MED9: variants seen among roughly 807,000 people sequenced by gnomAD.
The protein encoded by MED9 is mediator complex subunit 9.
MED9 carries 8 observed loss-of-function variants against 13.2 expected under a neutral mutation model. The ratio of observed to expected loss-of-function variants is 0.61; its 90% confidence interval spans 0.36 to 1.10. MED9 has a LOEUF of 1.10. Among genes scored for constraint, MED9 ranks in the 50% least tolerant of loss-of-function variants. The pLI is 0.02. For missense variants in MED9, 180 were observed against 193.4 expected, an observed-to-expected ratio of 0.93 and a Z score of 0.41; for synonymous variants, 87 against 82.8, an observed-to-expected ratio of 1.05 and a Z score of -0.28.
chr17:17,482,273 C>G (rs1389832687), intron 1 of MED9, among the ~76,000 whole-genome samples: 1 of 152,174 alleles, frequency 6.6e-6, no homozygotes, highest in Non-Finnish European at 1.5e-5. Flanking sequence ...GTTTGGGTCA[C>G]TATGAGCAAA....
rs1371915404 is a variant in MED9 at position 17,477,175 on chromosome 17, A to C, written c.134A>C (p.Gln45Pro). Residue 45 changes from glutamine to proline, a missense_variant, in exon 1 of 2, where the codon CAG becomes CCG. Coordinates refer to ENST00000268711, the MANE Select transcript of MED9 (RefSeq NM_018019.3). ...CCGGTCCCTGCGCCTCAACCGCAGC[A>C]GTCGCCGGCGCCACGGCCTCAGTCA... ...PPPVPAPQPQ[Q>P]SPAPRPQSPA... 1.2e-6 allele frequency: 2 copies of C among 1,610,228 alleles called. No homozygotes were observed. The highest frequency in any genetic ancestry group is 1.7e-6 in the Non-Finnish European group (2 of 1,178,192).
chr17:17,487,030 C>T (rs960087558), intron 1 of MED9: 1 of 152,284 alleles, frequency 6.6e-6, no homozygotes, highest in East Asian at 1.9e-4. Flanking sequence ...TTTGTAAACA[C>T]ACCAATCAGC....
chr17:17,492,011 T>C lies in MED9; in HGVS notation c.*516T>C, dbSNP rs943965503. The C allele has an allele frequency of 1.2e-5, 2 of 164,184 alleles. No homozygotes were observed. The highest frequency in any genetic ancestry group is 4.8e-5 in the African/African-American group (2 of 41,784). 10.2% of individuals were successfully genotyped at this position (164,184 alleles called of 1,614,324 possible). A position where few individuals can be genotyped will look rare whatever the true frequency, so the allele number is the denominator to read the frequency against. On this transcript the variant is annotated 3_prime_UTR_variant, in exon 2 of 2. Transcript: ENST00000268711. ...GAATTAAGCCTGCACTCATATGGCA[T>C]AGAATTGTGAGAGAATGTTTTGAAA...
Position 17,483,082 on chromosome 17 carries a change from C to G in MED9, c.224+5817C>G, listed in dbSNP as rs1025072954. ...TCTAGCAGCCTGCCTGATGCTAGAT[C>G]ATGATGCTTTTGTTAATGGAACATT... On this transcript the variant is annotated intron_variant, in intron 1 of 1. Transcript: ENST00000268711. The surrounding 1 kb of genome is among the most constrained non-coding windows in gnomAD (Gnocchi z 4.2). Among the ~76,000 whole-genome samples, 1 of 152,180 alleles carries G rather than the reference C, an allele frequency of 6.6e-6. No homozygotes were observed. The highest frequency in any genetic ancestry group is 1.5e-5 in the Non-Finnish European group (1 of 68,036).
chr17:17,491,565 TC>T lies in MED9; in HGVS notation c.*72del, dbSNP rs1666650116. 3 of 1,395,948 alleles carry T rather than the reference TC, an allele frequency of 2.1e-6. No individual in the cohort carries two copies. In the Admixed American group the frequency reaches 5.2e-5, roughly 24 times the overall value. The allele number at this position is 1,395,948 out of a possible 1,614,324, so 86.5% of individuals were successfully genotyped here. A position where few individuals can be genotyped will look rare whatever the true frequency, so the allele number is the denominator to read the frequency against. On this transcript the variant is annotated 3_prime_UTR_variant, in exon 2 of 2. Transcript: ENST00000268711. ...TCTCCCCACTACCATCCCCAAACGCTCCTTGGGGCGTGGTTCCTGTGGACCC... is the reference window on the plus strand; with the variant it reads ...TCTCCCCACTACCATCCCCAAACGCTCTTGGGGCGTGGTTCCTGTGGACCC...
At chr17:17,477,672 G>C (rs141318959) in intron 1 of MED9, 1 of 165,148 alleles carries the variant, frequency 6.1e-6, no homozygotes, top group African/African-American at 2.4e-5. Context: ...CAAGTGCTAC[G>C]GGATGGACGC....
chr17:17,485,305 A>G (rs1905108473), intron 1 of MED9: 1 of 398,384 alleles, frequency 2.5e-6, no homozygotes, highest in Non-Finnish European at 4.4e-6. Context: ...TTTAGTAGAG[A>G]CGGGGCTGGC....
Position 17,485,626 on chromosome 17 carries a change from G to A in MED9, c.225-5653G>A, listed in dbSNP as rs1449430488. 15 of 309,162 alleles carry A rather than the reference G, an allele frequency of 4.9e-5. No homozygotes were observed. In the East Asian group the frequency reaches 5.9e-4, roughly 12 times the overall value. The allele number at this position is 309,162 out of a possible 1,614,324, so 19.2% of individuals were successfully genotyped here. On this transcript the variant is annotated intron_variant, in intron 1 of 1. Transcript: ENST00000268711. ...GTAGGTGGGACTGCACCCTCCCCCC[G>A]TCCCCTGCTGACAGCAAGTCTATGC...
In MED9 at chr17:17,477,252, A is replaced by G; in HGVS notation, c.211A>G (p.Asn71Asp). The change falls in exon 1 of 2, where the codon AAC (asparagine) becomes GAC (aspartate). Residue 71 changes from asparagine (N) to aspartate (D), a missense_variant. Transcript: ENST00000268711. ...ENYSFLPLVH[N>D]IIKCMDKDSP... ...CTACTCCTTTTTACCTTTGGTTCAC[A>G]ACATCATCAAATGGTAAGAACCTAG... is the stretch of plus-strand genomic sequence containing the variant. 1 of 1,597,992 alleles carries G rather than the reference A, an allele frequency of 6.3e-7. No homozygotes were observed. Among genetic ancestry groups the G allele is most frequent in the Non-Finnish European group, 8.5e-7 (1 of 1,170,588 alleles).
At chr17:17,485,078 C>T (rs1289950659) in intron 1 of MED9, 4 of 290,266 alleles carry the variant, frequency 1.4e-5, no homozygotes, top group South Asian at 1.6e-4. Flanking sequence ...TGTCTTGGCT[C>T]ACTGCAATCT....
chr17:17,487,561 A>T (rs1039272515), intron 1 of MED9: 5 of 161,264 alleles, frequency 3.1e-5, no homozygotes, highest in African/African-American at 1.2e-4. Context: ...CAGCGAGACC[A>T]CGAACCCACC....
intron 1 of MED9, among the ~76,000 whole-genome samples, chr17:17,484,371 C>G (rs1905088014): frequency 6.6e-6 from 1 of 152,246 alleles, no homozygotes; most frequent in Admixed American, 6.5e-5. Context: ...CTGTCTGGCC[C>G]CTCCAGCTTG....
At chr17:17,491,097 C>G (rs1284761626) in intron 1 of MED9, among the ~76,000 whole-genome samples, 182 bp from the exon 2 acceptor site, 1 of 152,196 alleles carries the variant, frequency 6.6e-6, no homozygotes, top group African/African-American at 2.4e-5. Context: ...TCTGTGCCAG[C>G]TGCCTAAAAA....
intron 1 of MED9, among the ~76,000 whole-genome samples, chr17:17,479,214 C>T (rs1904983999): frequency 6.6e-6 from 1 of 152,212 alleles, no homozygotes; most frequent in African/African-American, 2.4e-5. Context: ...TGTGTACTGA[C>T]ATTTTCTTGC....
chr17:17,479,055 A>G (rs1213551645), intron 1 of MED9, among the ~76,000 whole-genome samples: 2 of 152,196 alleles, frequency 1.3e-5, no homozygotes, highest in East Asian at 3.8e-4. Flanking sequence ...CACAAAATGT[A>G]CACATTCACA....
rs199591223 is a variant in MED9 at position 17,491,543 on chromosome 17, C to G, written c.*48C>G. The G allele has an allele frequency of 1.7e-4, 261 of 1,516,640 alleles. No homozygotes were observed. The African/African-American group carries it at 3.2e-3, about 18-fold the overall frequency. The allele number at this position is 1,516,640 out of a possible 1,614,324, so 93.9% of individuals were successfully genotyped here. A position where few individuals can be genotyped will look rare whatever the true frequency, so the allele number is the denominator to read the frequency against. Reference sequence around the variant, plus strand: ...AGAGGGGGAAGCCAATGGCCTGTCTCCCCACTACCATCCCCAAACGCTCCT... The same window carrying G: ...AGAGGGGGAAGCCAATGGCCTGTCTGCCCACTACCATCCCCAAACGCTCCT... On this transcript the variant is annotated 3_prime_UTR_variant, in exon 2 of 2. Coordinates refer to ENST00000268711, the MANE Select transcript of MED9 (RefSeq NM_018019.3).
At position 17,483,201 on chromosome 17, in the gene MED9, T is replaced by G. The variant is rs1047838544; in HGVS notation, c.224+5936T>G. ...GCTTTTGAGTATTATAATCAGCATT[T>G]AATTAGTCTCTTTGCCTTTATGCTT... On this transcript the variant is annotated intron_variant, in intron 1 of 1. Transcript: ENST00000268711. The surrounding 1 kb of genome is among the most constrained non-coding windows in gnomAD (Gnocchi z 4.2). Among the ~76,000 whole-genome samples, 5 of 152,228 alleles carry G rather than the reference T, an allele frequency of 3.3e-5. No individual in the cohort carries two copies. Among genetic ancestry groups the G allele is most frequent in the Admixed American group, 2.6e-4 (4 of 15,290 alleles).
chr17:17,477,733 A>G (rs1053686075), intron 1 of MED9: 8 of 154,852 alleles, frequency 5.2e-5, no homozygotes, highest in African/African-American at 1.7e-4. Flanking sequence ...GAAGGAAAAA[A>G]AGACATGATT....
At chr17:17,480,241 AGAGACACCACCC>A (rs1473043035) in intron 1 of MED9, among the ~76,000 whole-genome samples, 6 of 152,130 alleles carry the variant, frequency 3.9e-5, no homozygotes, top group African/African-American at 1.2e-4. Flanking sequence ...CAGTCTGAAG[AGAGACACCACCC>A]GAGCCTTCCC....
Sources: allele counts gnomAD v4.1 joint callset (sites outside exome capture counted in the v4.1 genomes callset), GRCh38; gene constraint gnomAD v4.1.1; non-coding constraint Gnocchi (gnomAD v3.1); transcripts MANE v1.5; gene names NCBI Gene and HGNC (gene_info 2026-07-23, HGNC 2026-07-21).